The following ZNF100 variants were observed in gnomAD, a reference collection of about 807,000 sequenced individuals.
The protein encoded by ZNF100 is zinc finger protein 100.
A neutral mutation model predicts 15.8 loss-of-function variants in ZNF100; 12 were observed. The observed-to-expected ratio is 0.76, with a 90% CI of 0.49 to 1.23. ZNF100 has a LOEUF of 1.23. Among genes scored for constraint, ZNF100 ranks in the 50% most tolerant of loss-of-function variants. The pLI is 0.00. For missense variants in ZNF100, 670 were observed against 635.6 expected, an observed-to-expected ratio of 1.05 and a Z score of -0.58; for synonymous variants, 226 against 214.8, an observed-to-expected ratio of 1.05 and a Z score of -0.45.
At position 21,726,945 on chromosome 19, in the gene ZNF100, G is replaced by C; in HGVS notation, c.1367C>G (p.Pro456Arg). Reference sequence around the variant, plus strand: ...TTTGCCACATTCGTCACATTTGTAGGGTTTCTCTCCAGTATGAATCATCTT... The same window carrying C: ...TTTGCCACATTCGTCACATTTGTAGCGTTTCTCTCCAGTATGAATCATCTT... ...THKMIHTGEK[P>R]YKCDECGKAF... Residue 456 changes from proline to arginine, a missense_variant, in exon 5 of 5, where the codon CCC (proline) becomes CGC (arginine). Physicochemically the swap from Pro to Arg is moderately radical, Grantham distance 103 (BLOSUM62 -2). Coordinates refer to ENST00000358296, the MANE Select transcript of ZNF100 (RefSeq NM_173531.4). The C allele has an allele frequency of 6.2e-7, 1 of 1,611,102 alleles. No individual in the cohort carries two copies. Among genetic ancestry groups the C allele is most frequent in the Non-Finnish European group, 8.5e-7 (1 of 1,178,976 alleles).
chr19:21,742,716 A>G (rs1351903975), intron 4 of ZNF100, among the ~76,000 whole-genome samples: 1 of 152,086 alleles, frequency 6.6e-6, no homozygotes, highest in Non-Finnish European at 1.5e-5. Flanking sequence ...GATCTTATAT[A>G]TAAAAAAACC....
intron 2 of ZNF100, among the ~76,000 whole-genome samples, chr19:21,756,162 T>C (rs2036390644): frequency 6.6e-6 from 1 of 152,134 alleles, no homozygotes; most frequent in African/African-American, 2.4e-5. Context: ...TTCAATATAA[T>C]TTACTATCCT....
chr19:21,746,647 G>A (rs1411814146), intron 2 of ZNF100, among the ~76,000 whole-genome samples: 1 of 151,878 alleles, frequency 6.6e-6, no homozygotes, highest in Non-Finnish European at 1.5e-5. Flanking sequence ...GAAGGCTCTA[G>A]TACATAGGAA....
In ZNF100 at chr19:21,748,699, T is replaced by C. The variant is rs529197034; in HGVS notation, c.97-3632A>G. Among the ~76,000 whole-genome samples, 126 of 149,504 alleles carry C rather than the reference T, an allele frequency of 8.4e-4. 1 individual carries two copies. Among genetic ancestry groups the C allele is most frequent in the Admixed American group, 1.5e-3 (23 of 15,120 alleles). ...ACAATATAAAAAGAAGTGGGCAAAGTTTTTTTGTTTTGTTTTGTTTTTGAG... is the reference window on the plus strand; with the variant it reads ...ACAATATAAAAAGAAGTGGGCAAAGCTTTTTTGTTTTGTTTTGTTTTTGAG... On this transcript the variant is annotated intron_variant, in intron 2 of 4. Transcript: ENST00000358296.
chr19:21,741,877 T>G (rs889222048), intron 4 of ZNF100, among the ~76,000 whole-genome samples: 2 of 152,144 alleles, frequency 1.3e-5, no homozygotes, highest in African/African-American at 4.8e-5. Context: ...GGAATCTCCC[T>G]GTGTTGCCCT....
In ZNF100 at chr19:21,765,746, C is replaced by T; in HGVS notation, c.44G>A (p.Ser15Asn). 1.9e-6 allele frequency: 3 copies of T among 1,614,206 alleles called. No individual in the cohort carries two copies. The highest frequency in any genetic ancestry group is 3.3e-5 in the Admixed American group (2 of 60,020). The change falls in exon 2 of 5, where the codon AGT becomes AAT. Residue 15 changes from serine to asparagine, a missense_variant. Coordinates refer to ENST00000358296, the MANE Select transcript of ZNF100 (RefSeq NM_173531.4). ...RYGMCPLKGA[S>N]GCPGAERSLL... is the part of the protein sequence containing the mutation. ...ACTCCTCTCAGCCCCAGGGCATCCACTTGCTCCCTTGAGAGGACACATTCC... is the reference window on the plus strand; with the variant it reads ...ACTCCTCTCAGCCCCAGGGCATCCATTTGCTCCCTTGAGAGGACACATTCC...
chr19:21,751,619 ATCC>A (rs2036307658), intron 2 of ZNF100: 5 of 1,542,716 alleles, frequency 3.2e-6, no homozygotes, highest in Non-Finnish European at 4.5e-6. Flanking sequence ...CTACTGCCAG[ATCC>A]TCAAGGACAT....
In ZNF100 at chr19:21,726,791, ATGAGT is replaced by A. The variant is rs756934098; in HGVS notation, c.1516_1520del (p.Thr506TyrfsTer13). 5 of 1,613,734 alleles carry A rather than the reference ATGAGT, an allele frequency of 3.1e-6. No individual in the cohort carries two copies. The highest frequency in any genetic ancestry group is 4.2e-6 in the Non-Finnish European group (5 of 1,179,802). ...CCCATTTGTAAGATTTCTCTCCAGT[ATGAGT>A]TATCTTATGTTTAGTAAGGGTTGAG... is the stretch of plus-strand genomic sequence containing the variant. On this transcript the variant is annotated frameshift_variant, in exon 5 of 5. Transcript: ENST00000358296. LOFTEE classifies it low-confidence loss of function (END_TRUNC).
In ZNF100 at chr19:21,726,843, C is replaced by T; in HGVS notation, c.1469G>A (p.Cys490Tyr). 1 of 1,613,472 alleles carries T rather than the reference C, an allele frequency of 6.2e-7. No individual in the cohort carries two copies. Among genetic ancestry groups the T allele is most frequent in the African/African-American group, 1.3e-5 (1 of 74,982 alleles). ...TGAGGATCGGTTAAAAGCTTTGCCA[C>T]ATTCCTCACATTTGTAGGGTTTCTC... ...TGEKPYKCEE[C>Y]GKAFNRSSTL... Residue 490 changes from cysteine to tyrosine, a missense_variant, in exon 5 of 5, where the codon TGT becomes TAT. By Grantham distance (194) the Cys-to-Tyr change is radical. Coordinates refer to ENST00000358296, the MANE Select transcript of ZNF100 (RefSeq NM_173531.4).
At chr19:21,743,728 G>A (rs1277298043) in intron 4 of ZNF100, among the ~76,000 whole-genome samples, 1 of 151,952 alleles carries the variant, frequency 6.6e-6, no homozygotes, top group Non-Finnish European at 1.5e-5. Flanking sequence ...AGATTGTGCA[G>A]TCTTTTATAT....
intron 4 of ZNF100, among the ~76,000 whole-genome samples, chr19:21,733,245 T>C (rs2035949363): frequency 6.6e-6 from 1 of 151,572 alleles, no homozygotes; most frequent in African/African-American, 2.4e-5. Context: ...AAAAACAAGA[T>C]ATAAATCTGC....
At chr19:21,737,400 T>C (rs1178483640) in intron 4 of ZNF100, among the ~76,000 whole-genome samples, 1 of 151,848 alleles carries the variant, frequency 6.6e-6, no homozygotes, top group Non-Finnish European at 1.5e-5. Context: ...TTGGGCATGG[T>C]GGCTGGTGCT....
At chr19:21,737,642 T>C (rs1404523262) in intron 4 of ZNF100, among the ~76,000 whole-genome samples, 1 of 146,494 alleles carries the variant, frequency 6.8e-6, no homozygotes, top group African/African-American at 2.5e-5. Context: ...AATGGATAAA[T>C]TACTGGACAT....
At chr19:21,736,632 G>GATT (rs1301939162) in intron 4 of ZNF100, among the ~76,000 whole-genome samples, 2 of 152,166 alleles carry the variant, frequency 1.3e-5, no homozygotes, top group African/African-American at 4.8e-5. Flanking sequence ...CTCTAAAATT[G>GATT]ATTACATAAT....
chr19:21,739,738 G>T (rs1340454204), intron 4 of ZNF100, among the ~76,000 whole-genome samples: 1 of 152,192 alleles, frequency 6.6e-6, no homozygotes, highest in Non-Finnish European at 1.5e-5. Context: ...ATTTTGGGAG[G>T]CTGAGGCAAG....
rs958741653 is a variant in ZNF100 at position 21,722,908 on chromosome 19, T to C, written c.*3775A>G. ...TGCAAATTTTATGTTTGCCACACTT[T>C]AAGAATCTAATTTTTTTTTTAACAA... On this transcript the variant is annotated 3_prime_UTR_variant, in exon 5 of 5. Coordinates refer to ENST00000358296, the MANE Select transcript of ZNF100 (RefSeq NM_173531.4). The C allele has an allele frequency of 4.6e-5, 7 of 151,690 alleles. No homozygotes were observed. The highest frequency in any genetic ancestry group is 8.8e-5 in the Non-Finnish European group (6 of 67,958). The allele number at this position is 151,690 out of a possible 1,614,324, so 9.4% of individuals were successfully genotyped here.
intron 2 of ZNF100, chr19:21,752,342 T>C (rs2036321549): frequency 6.5e-6 from 1 of 152,762 alleles, no homozygotes. Context: ...TTAGAATCAA[T>C]GCAGTATTGC....
In ZNF100 at chr19:21,726,810, G is replaced by C. The variant is rs1568285316; in HGVS notation, c.1502C>G (p.Thr501Ser). 1.2e-6 allele frequency: 2 copies of C among 1,613,778 alleles called. No homozygotes were observed. Among genetic ancestry groups the C allele is most frequent in the East Asian group, 4.5e-5 (2 of 44,862 alleles). ...GKAFNRSSTL[T>S]KHKITHTGEK... is the part of the protein sequence containing the mutation. ...TCCAGTATGAGTTATCTTATGTTTA[G>C]TAAGGGTTGAGGATCGGTTAAAAGC... Residue 501 changes from threonine to serine, a missense_variant, in exon 5 of 5, where the codon ACT becomes AGT. Physicochemically the swap from Thr to Ser is moderately conservative, Grantham distance 58. Coordinates refer to ENST00000358296, the MANE Select transcript of ZNF100 (RefSeq NM_173531.4).
intron 2 of ZNF100, among the ~76,000 whole-genome samples, chr19:21,746,186 A>C (rs1568303221): frequency 6.6e-6 from 1 of 152,252 alleles, no homozygotes; most frequent in Admixed American, 6.5e-5. Flanking sequence ...ATAGAAGAAC[A>C]TAGCATCATT....
Sources: gnomAD v4.1 joint callset for allele counts (sites outside exome capture counted in the v4.1 genomes callset) on GRCh38, gnomAD v4.1.1 for gene constraint, MANE v1.5 for transcripts, NCBI Gene and HGNC (gene_info 2026-07-23, HGNC 2026-07-21) for gene names.